The following DLGAP2 variants were observed in gnomAD, a reference collection of about 807,000 sequenced individuals.
DLGAP2 encodes the protein disks large-associated protein 2.
Under a neutral mutation model 100.3 loss-of-function variants are expected in DLGAP2, and 26 were observed. The ratio of observed to expected loss-of-function variants is 0.26; its 90% CI spans 0.19 to 0.36. The LOEUF is 0.36. Among genes scored for constraint, DLGAP2 ranks in the 10% least tolerant of loss-of-function variants. DLGAP2 has a pLI of 1.00. For missense variants in DLGAP2, 1,858 were observed against 1,453.2 expected, an observed-to-expected ratio of 1.28 and a Z score of -4.53; for synonymous variants, 886 against 630.1, an observed-to-expected ratio of 1.41 and a Z score of -6.08.
chr8:1,332,998 C>T (rs867494733), intron 3 of DLGAP2, among the ~76,000 whole-genome samples: 2 of 152,298 alleles, frequency 1.3e-5, no homozygotes, highest in Non-Finnish European at 2.9e-5. Context: ...CCCCCTTCCT[C>T]GAATGGTGTG....
chr8:1,154,425 A>G (rs188772480), intron 2 of DLGAP2, among the ~76,000 whole-genome samples: 293 of 151,602 alleles, frequency 1.9e-3, no homozygotes, highest in Middle Eastern at 6.8e-3. Flanking sequence ...CAACTGATCA[A>G]AGTAGTAGGT....
chr8:1,666,701 C>G (rs960142390), intron 8 of DLGAP2, among the ~76,000 whole-genome samples: 1 of 151,832 alleles, frequency 6.6e-6, no homozygotes, highest in African/African-American at 2.4e-5. Context: ...AAAGTCTCCA[C>G]TTTGTAAATG....
At chr8:921,056 T>A (rs184488786) in intron 2 of DLGAP2, among the ~76,000 whole-genome samples, 6 of 152,322 alleles carry the variant, frequency 3.9e-5, no homozygotes, top group Admixed American at 3.3e-4. Context: ...TTTCACTCTT[T>A]GTAACTTCGC....
intron 3 of DLGAP2, among the ~76,000 whole-genome samples, chr8:1,347,739 A>G (rs1490642551): frequency 7.5e-3 from 809 of 108,298 alleles, no homozygotes; most frequent in Middle Eastern, 0.02. Context: ...TAGCTGTGTG[A>G]AGGTTGAGTT....
At chr8:1,332,155 G>T (rs375694215) in intron 3 of DLGAP2, among the ~76,000 whole-genome samples, 24 of 152,098 alleles carry the variant, frequency 1.6e-4, no homozygotes, top group Admixed American at 1.3e-4. Flanking sequence ...GGGGGTGTGT[G>T]TGAGTGTGTG....
At chr8:1,311,161 A>C (rs1283543635) in intron 3 of DLGAP2, among the ~76,000 whole-genome samples, 1 of 152,238 alleles carries the variant, frequency 6.6e-6, no homozygotes, top group Non-Finnish European at 1.5e-5. Flanking sequence ...TTGTACACCA[A>C]TAAACTAGTT....
chr8:790,077 C>T (rs1016654415), intron 1 of DLGAP2, among the ~76,000 whole-genome samples: 18 of 152,166 alleles, frequency 1.2e-4, no homozygotes, highest in African/African-American at 4.1e-4. Flanking sequence ...GTTCTACACT[C>T]CCCAGAGCCA....
At chr8:1,122,440 C>G (rs1585080968) in intron 2 of DLGAP2, among the ~76,000 whole-genome samples, 1 of 152,312 alleles carries the variant, frequency 6.6e-6, no homozygotes, top group East Asian at 1.9e-4. Context: ...AGCTCTGTTA[C>G]TGCCATCCAG....
intron 2 of DLGAP2, among the ~76,000 whole-genome samples, chr8:958,880 T>G (rs1799657846): frequency 6.6e-6 from 1 of 152,174 alleles, no homozygotes; most frequent in African/African-American, 2.4e-5. Context: ...ATCTTATACA[T>G]ACAAACTATG....
chr8:1,631,791 C>G (rs144582797), intron 7 of DLGAP2, among the ~76,000 whole-genome samples: 1 of 152,334 alleles, frequency 6.6e-6, no homozygotes, highest in Non-Finnish European at 1.5e-5. Flanking sequence ...TAGGTCACCT[C>G]AGGTGAAACC....
At chr8:1,478,803 T>C (rs1799009677) in intron 3 of DLGAP2, among the ~76,000 whole-genome samples, 1 of 152,212 alleles carries the variant, frequency 6.6e-6, no homozygotes, top group Non-Finnish European at 1.5e-5. Flanking sequence ...GGCTTGTGAA[T>C]GGAGGGTCAT....
chr8:842,193 A>C (rs1744618009), intron 1 of DLGAP2, among the ~76,000 whole-genome samples: 1 of 152,126 alleles, frequency 6.6e-6, no homozygotes, highest in African/African-American at 2.4e-5. Context: ...CCATCTCTCT[A>C]GTCCTTGTGG....
intron 5 of DLGAP2, among the ~76,000 whole-genome samples, chr8:1,561,513 T>C (rs963045721): frequency 1.3e-5 from 2 of 152,114 alleles, no homozygotes; most frequent in African/African-American, 4.8e-5. Context: ...AATCTGGAAC[T>C]TCCCATCCTG....
chr8:1,141,262 C>A (rs7839167), intron 2 of DLGAP2, among the ~76,000 whole-genome samples: 1 of 151,970 alleles, frequency 6.6e-6, no homozygotes, highest in Non-Finnish European at 1.5e-5. Flanking sequence ...TTCAACTGAG[C>A]GTTGAAAGTT....
chr8:1,280,049 T>C (rs916103721), intron 3 of DLGAP2, among the ~76,000 whole-genome samples: 2 of 152,212 alleles, frequency 1.3e-5, no homozygotes, highest in Non-Finnish European at 2.9e-5. Context: ...CTTGCTGACA[T>C]GCACTCACGT....
chr8:1,288,819 G>A (rs569941834), intron 3 of DLGAP2, among the ~76,000 whole-genome samples: 247 of 151,776 alleles, frequency 1.6e-3, no homozygotes, highest in African/African-American at 5.3e-3. Context: ...TTTCGGTTCA[G>A]TGTGTGTGTG....
chr8:931,745 G>A (rs147368025), intron 2 of DLGAP2, among the ~76,000 whole-genome samples: 3 of 152,310 alleles, frequency 2.0e-5, no homozygotes, highest in Admixed American at 6.5e-5. Context: ...AGTGGTGGGC[G>A]TTGGCACAGG....
chr8:1,318,777 A>AC (rs1800825720), intron 3 of DLGAP2, among the ~76,000 whole-genome samples: 1 of 56,158 alleles, frequency 1.8e-5, no homozygotes, highest in Non-Finnish European at 3.4e-5. Flanking sequence ...GTCAGTGATC[A>AC]GCCCCCCCCC....
intron 2 of DLGAP2, among the ~76,000 whole-genome samples, chr8:985,681 C>G (rs56702415): frequency 0.025 from 3,823 of 152,282 alleles, 163 homozygotes; most frequent in African/African-American, 0.088. Flanking sequence ...CTGGTAATGG[C>G]AGAATATTTT....
Sources: gnomAD v4.1 joint callset for allele counts (sites outside exome capture counted in the v4.1 genomes callset) on GRCh38, gnomAD v4.1.1 for gene constraint, MANE v1.5 for transcripts, NCBI Gene and HGNC (gene_info 2026-07-23, HGNC 2026-07-21) for gene names.